The following RIMS2 variants were observed in gnomAD, a reference collection of about 807,000 sequenced individuals.
The protein encoded by RIMS2 is regulating synaptic membrane exocytosis protein 2.
In RIMS2, 59 loss-of-function variants were observed where a neutral mutation model predicts 174.4. That is an observed-to-expected ratio of 0.34 (90% CI 0.27 to 0.42). The LOEUF is 0.42. RIMS2 is among the 10% of genes least tolerant of loss of function. The pLI is 1.00. For synonymous variants in RIMS2, 606 were observed against 572.5 expected, an observed-to-expected ratio of 1.06 and a Z score of -0.84; for missense variants, 1,620 against 1,666.3, an observed-to-expected ratio of 0.97 and a Z score of 0.48.
At chr8:104,176,233 G>A (rs2098892789) in intron 19 of RIMS2, among the ~76,000 whole-genome samples, 1 of 152,074 alleles carries the variant, frequency 6.6e-6, no homozygotes, top group Admixed American at 6.6e-5. Flanking sequence ...AGCTTTGCCT[G>A]TATCTCCAGC....
At chr8:104,007,311 G>A (rs141580424) in intron 17 of RIMS2, among the ~76,000 whole-genome samples, 58 of 152,014 alleles carry the variant, frequency 3.8e-4, no homozygotes, top group African/African-American at 1.3e-3. Context: ...CATTCTCTGC[G>A]CTACTGCTGA....
intron 3 of RIMS2, among the ~76,000 whole-genome samples, chr8:103,779,853 G>A (rs1265427058): frequency 2.7e-5 from 4 of 150,756 alleles, no homozygotes; most frequent in South Asian, 4.2e-4. Flanking sequence ...ATATACATAC[G>A]TAACAAACCT....
rs199978770 is a variant in RIMS2 at position 104,224,643 on chromosome 8, A to AT, written c.3335-20268dup. Among the ~76,000 whole-genome samples, 1,504 of 152,290 alleles carry AT rather than the reference A, an allele frequency of 9.9e-3. 21 individuals are homozygous for AT. Among genetic ancestry groups the AT allele is most frequent in the African/African-American group, 0.033 (1,354 of 41,552 alleles). ...GGTTCGTTATCATGATGTTAACTCT[A>AT]TTTTTGTAAATAACAGGGTTGGTTT... On this transcript the variant is annotated intron_variant, in intron 19 of 23. Transcript: ENST00000504942.
intron 1 of RIMS2, among the ~76,000 whole-genome samples, chr8:103,610,706 G>T (rs79702453): frequency 0.048 from 7,319 of 152,138 alleles, 584 homozygotes; most frequent in African/African-American, 0.17. Flanking sequence ...AGTAGCTTTT[G>T]GATGTGCTGC....
chr8:104,137,329 T>C (rs902936841), intron 19 of RIMS2, among the ~76,000 whole-genome samples: 5 of 152,196 alleles, frequency 3.3e-5, no homozygotes, highest in African/African-American at 1.2e-4. Flanking sequence ...CTAGACATTG[T>C]GCTAATTGCT....
chr8:103,539,528 A>C (rs1436330845), intron 1 of RIMS2, among the ~76,000 whole-genome samples: 1 of 152,204 alleles, frequency 6.6e-6, no homozygotes, highest in Non-Finnish European at 1.5e-5. Context: ...GCCAGGAGAT[A>C]TCTAGGGGCA....
At chr8:103,573,067 T>A (rs1472753255) in intron 1 of RIMS2, among the ~76,000 whole-genome samples, 1 of 101,282 alleles carries the variant, frequency 9.9e-6, no homozygotes, top group Non-Finnish European at 2.2e-5. Context: ...TTCAATCCAA[T>A]TTTTTTTTTC....
chr8:104,170,995 C>T (rs2098828957), intron 19 of RIMS2, among the ~76,000 whole-genome samples: 3 of 152,112 alleles, frequency 2.0e-5, no homozygotes, highest in Admixed American at 2.0e-4. Context: ...TCCCTTCTGC[C>T]TTGTAAATTT....
chr8:103,952,028 C>T (rs1250335253), intron 14 of RIMS2, among the ~76,000 whole-genome samples: 1 of 152,200 alleles, frequency 6.6e-6, no homozygotes, highest in Non-Finnish European at 1.5e-5. Flanking sequence ...TCAGCAAGGC[C>T]ACTGTGGCCA....
At chr8:104,191,833 G>GA (rs2098999420) in intron 19 of RIMS2, among the ~76,000 whole-genome samples, 1 of 151,976 alleles carries the variant, frequency 6.6e-6, no homozygotes, top group East Asian at 1.9e-4. Context: ...TTGAATTCCT[G>GA]GCCTCAGCCA....
At chr8:104,204,813 A>C (rs2099072175) in intron 19 of RIMS2, among the ~76,000 whole-genome samples, 1 of 152,200 alleles carries the variant, frequency 6.6e-6, no homozygotes, top group Non-Finnish European at 1.5e-5. Flanking sequence ...CCCCTCTATA[A>C]GTTTGCCTAT....
chr8:104,018,687 CATTCTCCT>C (rs2095995652), intron 19 of RIMS2, among the ~76,000 whole-genome samples: 1 of 151,978 alleles, frequency 6.6e-6, no homozygotes, highest in Admixed American at 6.6e-5. Flanking sequence ...AGCTTTAGCC[CATTCTCCT>C]ATGGATTTTG....
chr8:103,706,439 TAA>T (rs961070195), intron 2 of RIMS2, among the ~76,000 whole-genome samples: 1 of 151,778 alleles, frequency 6.6e-6, no homozygotes, highest in Non-Finnish European at 1.5e-5. Flanking sequence ...TTCTTTTTTT[TAA>T]AAAAAAATTG....
At chr8:103,578,533 CAAAA>C (rs2093403262) in intron 1 of RIMS2, among the ~76,000 whole-genome samples, 1 of 150,190 alleles carries the variant, frequency 6.7e-6, no homozygotes, top group East Asian at 1.9e-4. Flanking sequence ...CCTGTCAAAA[CAAAA>C]AACAAAAAAC....
intron 19 of RIMS2, among the ~76,000 whole-genome samples, chr8:104,119,809 C>T (rs1365035465): frequency 1.3e-5 from 2 of 152,076 alleles, no homozygotes; most frequent in East Asian, 1.9e-4. Context: ...AAATAAAAGT[C>T]GTGGTAACTG....
At chr8:103,696,418 T>C (rs1193276243) in intron 1 of RIMS2, among the ~76,000 whole-genome samples, 2 of 152,200 alleles carry the variant, frequency 1.3e-5, no homozygotes, top group Non-Finnish European at 2.9e-5. Context: ...TAGCTTTCTG[T>C]ATTTCTGAAG....
chr8:103,820,627 G>A (rs2098746224), intron 3 of RIMS2, among the ~76,000 whole-genome samples: 1 of 151,806 alleles, frequency 6.6e-6, no homozygotes, highest in South Asian at 2.1e-4. Flanking sequence ...AAATTTGTTG[G>A]CATTTAAAAT....
At chr8:104,063,275 C>A (rs1255693347) in intron 19 of RIMS2, among the ~76,000 whole-genome samples, 1 of 151,958 alleles carries the variant, frequency 6.6e-6, no homozygotes, top group Non-Finnish European at 1.5e-5. Flanking sequence ...GATCATCCCA[C>A]AAGTTCTTGA....
chr8:104,195,401 G>A (rs751346563), intron 19 of RIMS2, among the ~76,000 whole-genome samples: 2 of 151,996 alleles, frequency 1.3e-5, no homozygotes, highest in Non-Finnish European at 2.9e-5. Flanking sequence ...AAGCATTTGG[G>A]GATATTTTGA....
Sources: allele counts gnomAD v4.1 joint callset (sites outside exome capture counted in the v4.1 genomes callset), GRCh38; gene constraint gnomAD v4.1.1; transcripts MANE v1.5; gene names NCBI Gene and HGNC (gene_info 2026-07-23, HGNC 2026-07-21).